Variants in ATAD2B observed in about 807,000 individuals in gnomAD.
ATAD2B encodes the protein ATPase family AAA domain containing 2B, also known as ATPase family AAA domain-containing protein 2B.
A neutral mutation model predicts 167.6 loss-of-function variants in ATAD2B; 40 were observed. That is an observed-to-expected ratio of 0.24 (90% CI 0.19 to 0.31). The LOEUF (loss-of-function observed/expected upper bound fraction) is 0.31. Among genes scored for constraint, ATAD2B ranks in the 10% least tolerant of loss-of-function variants. ATAD2B has a pLI of 1.00. For missense variants in ATAD2B, 1,242 were observed against 1,757.2 expected, an observed-to-expected ratio of 0.71 and a Z score of 5.24; for synonymous variants, 579 against 596.5, an observed-to-expected ratio of 0.97 and a Z score of 0.43.
At chr2:23,717,775 A>G in the ATAD2B span, among the ~76,000 whole-genome samples, 33 of 152,324 alleles carry the variant, frequency 2.2e-4, no homozygotes, top group Middle Eastern at 6.8e-3. Context: ...TGATAACCTA[A>G]TATCTTCAAC....
chr2:23,833,838 C>A, intron 14 of ATAD2B, 81 bp downstream of exon 14: 1 of 1,103,726 alleles, frequency 9.1e-7, no homozygotes, highest in Non-Finnish European at 1.2e-6. Flanking sequence ...AATGAAAATT[C>A]ATAAAATATC....
the ATAD2B span, among the ~76,000 whole-genome samples, chr2:23,733,704 G>A: frequency 6.6e-6 from 1 of 151,946 alleles, no homozygotes; most frequent in African/African-American, 2.4e-5. Flanking sequence ...GCAATTCCAG[G>A]CCCCTTCTTT....
intron 21 of ATAD2B, among the ~76,000 whole-genome samples, chr2:23,785,576 A>T (rs1680696394): frequency 6.6e-6 from 1 of 152,128 alleles, no homozygotes; most frequent in African/African-American, 2.4e-5. Flanking sequence ...CATCCCAGCC[A>T]CAGGCATTTC....
chr2:23,899,622 GCT>G (rs1024885603), intron 1 of ATAD2B, among the ~76,000 whole-genome samples: 2 of 151,512 alleles, frequency 1.3e-5, no homozygotes. Flanking sequence ...ATGGAGTCTC[GCT>G]CTCTCACCCA....
At position 23,926,951 on chromosome 2, in the gene ATAD2B, A is replaced by G. The variant is rs1704976807; in HGVS notation, c.-181T>C. 1.4e-6 allele frequency: 1 copy of G among 699,234 alleles called. No individual in the cohort carries two copies. The highest frequency in any genetic ancestry group is 2.2e-6 in the Non-Finnish European group (1 of 457,010). 43.3% of individuals were successfully genotyped at this position (699,234 alleles called of 1,614,324 possible). A position where few individuals can be genotyped will look rare whatever the true frequency, so the allele number is the denominator to read the frequency against. On this transcript the variant is annotated 5_prime_UTR_variant, in exon 1 of 28. Coordinates refer to ENST00000238789, the MANE Select transcript of ATAD2B (RefSeq NM_017552.4). ...GGGCAGAGGAAGGGAAGTCGGCGTG[A>G]GCAGGCGGCGTGCGGGAAGCGGGGG...
At chr2:23,896,472 T>C (rs1700169012) in intron 1 of ATAD2B, among the ~76,000 whole-genome samples, 1 of 152,144 alleles carries the variant, frequency 6.6e-6, no homozygotes, top group Non-Finnish European at 1.5e-5. Context: ...CAGAAAAATA[T>C]GTTGTTTCTT....
At chr2:23,885,469 C>A (rs1436980811) in intron 5 of ATAD2B, among the ~76,000 whole-genome samples, 1 of 152,146 alleles carries the variant, frequency 6.6e-6, no homozygotes, top group African/African-American at 2.4e-5. Context: ...TGGTTCAAAT[C>A]AGAAGAATAA....
At chr2:23,871,383 T>C (rs1011798882) in intron 8 of ATAD2B, among the ~76,000 whole-genome samples, 1 of 152,194 alleles carries the variant, frequency 6.6e-6, no homozygotes, top group African/African-American at 2.4e-5. Flanking sequence ...GGCCTACTTT[T>C]TGAACATAAC....
intron 22 of ATAD2B, among the ~76,000 whole-genome samples, chr2:23,772,442 C>T (rs1678469663): frequency 6.6e-6 from 1 of 152,086 alleles, no homozygotes; most frequent in African/African-American, 2.4e-5. Flanking sequence ...CTATGCAATA[C>T]CACAGCTTTC....
At chr2:23,856,436 A>G (rs1207089895) in intron 13 of ATAD2B, 91 of 411,516 alleles carry the variant, frequency 2.2e-4, no homozygotes, top group Non-Finnish European at 9.9e-6. Context: ...GAGCATTATC[A>G]TAATAGCTAA....
At chr2:23,808,202 TA>T (rs1342410382) in intron 18 of ATAD2B, among the ~76,000 whole-genome samples, 2 of 119,658 alleles carry the variant, frequency 1.7e-5, no homozygotes, top group Non-Finnish European at 3.5e-5. Flanking sequence ...TATATTTATA[TA>T]AAAATATATA....
chr2:23,756,284 G>A (rs1221856387), intron 25 of ATAD2B, among the ~76,000 whole-genome samples: 2 of 152,000 alleles, frequency 1.3e-5, no homozygotes, highest in African/African-American at 2.4e-5. Flanking sequence ...TGTTTAACAG[G>A]TAGCATTTAA....
chr2:23,718,415 A>T, the ATAD2B span, among the ~76,000 whole-genome samples: 1 of 152,158 alleles, frequency 6.6e-6, no homozygotes, highest in Non-Finnish European at 1.5e-5. Context: ...GTGTCTTAGG[A>T]GCCTGAGAGT....
At chr2:23,906,099 A>G (rs1701448448) in intron 1 of ATAD2B, among the ~76,000 whole-genome samples, 1 of 152,094 alleles carries the variant, frequency 6.6e-6, no homozygotes, top group African/African-American at 2.4e-5. Context: ...TACTTTGGGA[A>G]GCAGAGGCGG....
intron 17 of ATAD2B, 89 bp from the exon 18 acceptor site, chr2:23,810,591 A>G (rs1685401989): frequency 1.0e-6 from 1 of 992,376 alleles, no homozygotes; most frequent in Non-Finnish European, 1.5e-6. Flanking sequence ...CATTAAAACA[A>G]TTTAACTCCA....
chr2:23,858,536 G>A (rs146502667), intron 12 of ATAD2B, among the ~76,000 whole-genome samples: 3,547 of 144,130 alleles, frequency 0.025, 53 homozygotes, highest in Non-Finnish European at 0.036. Flanking sequence ...CTGTCACTCA[G>A]GCTTGAGTGC....
At chr2:23,792,982 A>C (rs1329298833) in intron 19 of ATAD2B, among the ~76,000 whole-genome samples, 15 of 150,582 alleles carry the variant, frequency 1.0e-4, no homozygotes, top group African/African-American at 3.6e-4. Flanking sequence ...AAAAAAAAAA[A>C]AAAAAAAACT....
chr2:23,835,029 G>T (rs1027980618), intron 13 of ATAD2B, among the ~76,000 whole-genome samples: 1 of 152,208 alleles, frequency 6.6e-6, no homozygotes, highest in Admixed American at 6.5e-5. Context: ...CCACCAGGAT[G>T]ACTATAATCA....
chr2:23,715,490 C>T, the ATAD2B span, among the ~76,000 whole-genome samples: 13 of 151,810 alleles, frequency 8.6e-5, no homozygotes, highest in East Asian at 1.7e-3. Flanking sequence ...AGGAGAATGG[C>T]GTGAACCTGG....
Sources: gnomAD v4.1 joint callset for allele counts (sites outside exome capture counted in the v4.1 genomes callset) on GRCh38, gnomAD v4.1.1 for gene constraint, MANE v1.5 for transcripts, NCBI Gene and HGNC (gene_info 2026-07-23, HGNC 2026-07-21) for gene names.